Variants in CYSLTR2 observed in about 807,000 individuals in gnomAD.
CYSLTR2 encodes G-protein coupled receptor GPCR21.
For missense variants in CYSLTR2, 398 were observed against 411.9 expected (o/e 0.97, Z 0.29); for synonymous variants, 179 against 160.8 (o/e 1.11, Z -0.86).
intron 4 of CYSLTR2, among the ~76,000 whole-genome samples, chr13:48,705,730 C>T (rs912258045): frequency 7.3e-5 from 11 of 150,428 alleles, no homozygotes; most frequent in Non-Finnish European, 3.0e-5. Flanking sequence ...CTTTGCCTTC[C>T]CTCATTTATA....
intron 1 of CYSLTR2, among the ~76,000 whole-genome samples, chr13:48,670,500 AACC>A (rs1953396334): frequency 6.6e-6 from 1 of 152,190 alleles, no homozygotes; most frequent in Non-Finnish European, 1.5e-5. Flanking sequence ...GCATATGGCT[AACC>A]AGTTTTCTCA....
rs1485433391 is a variant in CYSLTR2, at chr13:48,707,492, T to G, written c.675T>G (p.Ile225Met). 6.2e-7 allele frequency: 1 copy of G among 1,612,658 alleles called. No homozygotes were observed. Among genetic ancestry groups the G allele is most frequent in the Admixed American group, 1.7e-5 (1 of 60,002 alleles). The change falls in exon 5 of 5, where the codon ATT (isoleucine) becomes ATG (methionine). Residue 225 changes from isoleucine to methionine, a missense_variant. Coordinates refer to ENST00000682523, the MANE Select transcript of CYSLTR2 (RefSeq NM_001308476.3). ...FTLSICYLLI[I>M]RVLLKVEVPE... ...TCAGCATCTGTTATCTGCTGATCAT[T>G]CGGGTTCTGTTAAAAGTGGAGGTCC...
At chr13:48,678,703 A>G (rs1953667024) in intron 1 of CYSLTR2, among the ~76,000 whole-genome samples, 1 of 152,116 alleles carries the variant, frequency 6.6e-6, no homozygotes, top group Non-Finnish European at 1.5e-5. Flanking sequence ...CAGCCCAATC[A>G]GCATCTTCTT....
intron 1 of CYSLTR2, among the ~76,000 whole-genome samples, chr13:48,656,862 A>AT (rs1389273648): frequency 6.6e-6 from 1 of 152,230 alleles, no homozygotes; most frequent in Non-Finnish European, 1.5e-5. Flanking sequence ...AAATTGGATA[A>AT]TACAAAGAAA....
intron 3 of CYSLTR2, among the ~76,000 whole-genome samples, chr13:48,695,339 T>C (rs1017574188): frequency 6.6e-6 from 1 of 151,370 alleles, no homozygotes; most frequent in African/African-American, 2.4e-5. Flanking sequence ...TTTCTCTTTT[T>C]TCTCTTTCTT....
chr13:48,707,232 G>T lies in CYSLTR2; in HGVS notation c.415G>T (p.Ala139Ser), dbSNP rs750231821. 8.7e-6 allele frequency: 14 copies of T among 1,613,924 alleles called. No homozygotes were observed. The highest frequency in any genetic ancestry group is 4.2e-6 in the Non-Finnish European group (5 of 1,180,038). Residue 139 changes from alanine (A) to serine (S), a missense_variant, in exon 5 of 5, where the codon GCA becomes TCA. Ala to Ser is a moderately conservative substitution (Grantham distance 99, BLOSUM62 1). Transcript: ENST00000682523. ...CGTGCTGAGTGTTGTGCGTTTCCTG[G>T]CAATGGTTCACCCCTTTCGGCTTCT... ...LTVLSVVRFLAMVHPFRLLHV... is the reference protein window; with the variant it reads ...LTVLSVVRFLSMVHPFRLLHV...
intron 4 of CYSLTR2, among the ~76,000 whole-genome samples, chr13:48,699,734 G>C (rs1015978233): frequency 6.6e-6 from 1 of 152,052 alleles, no homozygotes. Flanking sequence ...CCAGGAGCTG[G>C]CTTTTTGAAA....
intron 1 of CYSLTR2, among the ~76,000 whole-genome samples, chr13:48,667,368 G>T (rs1423087691): frequency 6.6e-6 from 1 of 152,214 alleles, no homozygotes; most frequent in Non-Finnish European, 1.5e-5. Flanking sequence ...CAATGCGGTT[G>T]CTCAGTCAGC....
At chr13:48,671,942 A>T (rs746351133) in intron 1 of CYSLTR2, among the ~76,000 whole-genome samples, 1 of 151,612 alleles carries the variant, frequency 6.6e-6, no homozygotes, top group Non-Finnish European at 1.5e-5. Flanking sequence ...GCTATTAATT[A>T]TACTGACTCA....
Position 48,654,308 on chromosome 13 carries a change from T to A in CYSLTR2, c.-266+291T>A, listed in dbSNP as rs956440331. Among the ~76,000 whole-genome samples, 9 of 144,028 alleles carry A rather than the reference T, an allele frequency of 6.2e-5. No homozygotes were observed. The East Asian group carries it at 1.0e-3, about 16-fold the overall frequency. The allele number at this position is 144,028 out of a possible 152,430, so 94.5% of individuals were successfully genotyped here. Reference sequence around the variant, plus strand: ...GTGTGTGTGTGTGTGTGTGTGTGAGTGTGTGTGTGTGTGTGTGTATGCACA... The same window carrying A: ...GTGTGTGTGTGTGTGTGTGTGTGAGAGTGTGTGTGTGTGTGTGTATGCACA... On this transcript the variant is annotated intron_variant, in intron 1 of 4. Coordinates refer to ENST00000682523, the MANE Select transcript of CYSLTR2 (RefSeq NM_001308476.3).
In CYSLTR2 at chr13:48,707,155, T is replaced by G; in HGVS notation, c.338T>G (p.Ile113Ser). 1 of 1,614,186 alleles carries G rather than the reference T, an allele frequency of 6.2e-7. No individual in the cohort carries two copies. Residue 113 changes from isoleucine to serine, a missense_variant, in exon 5 of 5, where the codon ATT becomes AGT. Physicochemically the swap from Ile to Ser is moderately radical, Grantham distance 142. Coordinates refer to ENST00000682523, the MANE Select transcript of CYSLTR2 (RefSeq NM_001308476.3). ...ATATTTGGAGACCTGGCCTGCAGGA[T>G]TATGTCTTATTCCTTGTATGTCAAC... ...NWIFGDLACR[I>S]MSYSLYVNMY...
rs191940719 is a variant in CYSLTR2 at position 48,662,652 on chromosome 13, T to C, written c.-266+8635T>C. 4.3e-3 allele frequency among the ~76,000 whole-genome samples: 661 copies of C among 152,318 alleles called. 3 individuals are homozygous for C. Among genetic ancestry groups the C allele is most frequent in the Non-Finnish European group, 6.4e-3 (438 of 68,018 alleles). On this transcript the variant is annotated intron_variant, in intron 1 of 4. Coordinates refer to ENST00000682523, the MANE Select transcript of CYSLTR2 (RefSeq NM_001308476.3). ...CATATACCTGTTGACCATTTGAATG[T>C]CTTCTTTGTGAAATGTCTGTTTAAA...
rs182174313 is a variant in CYSLTR2 at position 48,661,297 on chromosome 13, A to T, written c.-266+7280A>T. On this transcript the variant is annotated intron_variant, in intron 1 of 4. Coordinates refer to ENST00000682523, the MANE Select transcript of CYSLTR2 (RefSeq NM_001308476.3). ...TAAGGAGCTGACGCCGAGGGAGATA[A>T]AGTCATTTTCCCATGGTCATAGAGG... Among the ~76,000 whole-genome samples, 361 of 152,122 alleles carry T rather than the reference A, an allele frequency of 2.4e-3. 8 individuals carry two copies. The highest frequency in any genetic ancestry group is 0.022 in the Admixed American group (339 of 15,272).
intron 1 of CYSLTR2, among the ~76,000 whole-genome samples, chr13:48,667,924 G>A (rs1319221820): frequency 6.6e-6 from 1 of 152,154 alleles, no homozygotes; most frequent in Non-Finnish European, 1.5e-5. Context: ...TGAAAGTGAG[G>A]AGAAGAGGAA....
At chr13:48,656,861 A>G (rs1389061602) in intron 1 of CYSLTR2, among the ~76,000 whole-genome samples, 1 of 152,234 alleles carries the variant, frequency 6.6e-6, no homozygotes, top group Non-Finnish European at 1.5e-5. Context: ...CAAATTGGAT[A>G]ATACAAAGAA....
chr13:48,675,411 C>T (rs1235905536), intron 1 of CYSLTR2, among the ~76,000 whole-genome samples: 1 of 152,108 alleles, frequency 6.6e-6, no homozygotes, highest in Admixed American at 6.5e-5. Flanking sequence ...TCTGCCAGTT[C>T]GAACTTCCTG....
At chr13:48,702,797 G>T (rs546459949) in intron 4 of CYSLTR2, among the ~76,000 whole-genome samples, 2 of 152,220 alleles carry the variant, frequency 1.3e-5, no homozygotes, top group Admixed American at 6.5e-5. Context: ...TGTCATTTAA[G>T]ATTTAGAATA....
intron 1 of CYSLTR2, among the ~76,000 whole-genome samples, chr13:48,690,538 T>C (rs1566097771): frequency 6.6e-6 from 1 of 152,210 alleles, no homozygotes; most frequent in Non-Finnish European, 1.5e-5. Context: ...TTGGTTCTGT[T>C]TCTGTGATGG....
At chr13:48,698,770 G>C (rs1427463769) in intron 4 of CYSLTR2, among the ~76,000 whole-genome samples, 2 of 152,132 alleles carry the variant, frequency 1.3e-5, no homozygotes, top group Non-Finnish European at 2.9e-5. Context: ...CTGTATTCAG[G>C]AGACCCACCT....
Sources: gnomAD v4.1 joint callset for allele counts (sites outside exome capture counted in the v4.1 genomes callset) on GRCh38, gnomAD v4.1.1 for gene constraint, MANE v1.5 for transcripts, NCBI Gene and HGNC (gene_info 2026-07-23, HGNC 2026-07-21) for gene names.